Variants in MAP6D1 observed in about 807,000 individuals in gnomAD.
MAP6D1 encodes the protein MAP6 domain containing 1.
A neutral mutation model predicts 17.4 loss-of-function variants in MAP6D1; 13 were observed. The ratio of observed to expected loss-of-function variants is 0.75; its 90% CI spans 0.49 to 1.19. The LOEUF (loss-of-function observed/expected upper bound fraction) is 1.19, where lower values mean the gene tolerates loss of function less well. MAP6D1 is among the 50% of genes most tolerant of loss of function. The pLI, the probability that MAP6D1 is intolerant of heterozygous loss-of-function variation, is 0.00. For synonymous variants in MAP6D1, 141 were observed against 145.7 expected, an observed-to-expected ratio of 0.97 and a Z score of 0.23; for missense variants, 313 against 312.6, an observed-to-expected ratio of 1.00 and a Z score of -0.01.
intron 1 of MAP6D1, among the ~76,000 whole-genome samples, chr3:183,820,925 T>A (rs1727237892): frequency 7.7e-6 from 1 of 130,342 alleles, no homozygotes; most frequent in African/African-American, 3.0e-5. Context: ...AAATAAATAA[T>A]ACAAAATAAA....
At chr3:183,817,587 G>A in intron 2 of MAP6D1, 151 bp from the exon 3 acceptor site, 1 of 685,246 alleles carries the variant, frequency 1.5e-6, no homozygotes, top group African/African-American at 1.8e-5. Context: ...TGCCCACCGT[G>A]AGCCATAGGC....
At chr3:183,820,113 G>A (rs1560355421) in intron 1 of MAP6D1, 2 of 152,346 alleles carry the variant, frequency 1.3e-5, no homozygotes, top group African/African-American at 2.4e-5. Flanking sequence ...CAGACCAGAA[G>A]CCAGCAAGGC....
rs1405712511 is a variant in MAP6D1, at chr3:183,825,140, C to A, written c.401+7G>T. The A allele has an allele frequency of 2.1e-6, 3 of 1,442,782 alleles. No individual in the cohort carries two copies. The highest frequency in any genetic ancestry group is 2.8e-5 in the Admixed American group (1 of 35,500). The allele number at this position is 1,442,782 out of a possible 1,614,324, so 89.4% of individuals were successfully genotyped here. A position where few individuals can be genotyped will look rare whatever the true frequency, so the allele number is the denominator to read the frequency against. ...GGGACTCGTTGCGGTCCCTACCCAGCCCATACCTGTACGACGTGGTCACTG... is the reference window on the plus strand; with the variant it reads ...GGGACTCGTTGCGGTCCCTACCCAGACCATACCTGTACGACGTGGTCACTG... On this transcript the variant is annotated splice_region_variant and intron_variant, in intron 1 of 2. Coordinates refer to ENST00000318631, the MANE Select transcript of MAP6D1 (RefSeq NM_024871.4).
chr3:183,820,769 T>C (rs183647166), intron 1 of MAP6D1, among the ~76,000 whole-genome samples: 36 of 150,068 alleles, frequency 2.4e-4, no homozygotes, highest in African/African-American at 3.9e-4. Context: ...TAGCCAGGCA[T>C]GGTGGCGGGC....
intron 1 of MAP6D1, among the ~76,000 whole-genome samples, chr3:183,821,541 C>CTTTTTTTTT (rs59131602): frequency 1.0e-5 from 1 of 98,124 alleles, no homozygotes; most frequent in African/African-American, 4.0e-5. Flanking sequence ...TGAGGGATTG[C>CTTTTTTTTT]TTTTTTTTTT....
chr3:183,817,406 T>C lies in MAP6D1; in HGVS notation c.550A>G (p.Asn184Asp). Residue 184 changes from asparagine (N) to aspartate (D), a missense_variant, in exon 3 of 3, where the codon AAC becomes GAC. Asn to Asp is a conservative substitution (Grantham distance 23). Transcript: ENST00000318631. ...VPEVRKKFTP[N>D]PSAIFQASAP... ...GAGGCCTGAAAGATGGCGGAGGGGT[T>C]AGGAGTGAACTTCTTCCTCACCTCT... The C allele has an allele frequency of 6.4e-7, 1 of 1,569,810 alleles. No individual in the cohort carries two copies.
chr3:183,818,538 C>T (rs149717184), intron 1 of MAP6D1, among the ~76,000 whole-genome samples: 182 of 152,312 alleles, frequency 1.2e-3, no homozygotes, highest in Admixed American at 3.8e-3. Flanking sequence ...CTGCGATTCT[C>T]CCACACCTGC....
intron 1 of MAP6D1, among the ~76,000 whole-genome samples, chr3:183,822,280 CACACACACACACAAA>C (rs1727278648): frequency 1.3e-5 from 1 of 75,512 alleles, no homozygotes; most frequent in East Asian, 5.4e-4. Context: ...CACACACACA[CACACACACACACAAA>C]ACCCCACATG....
intron 1 of MAP6D1, among the ~76,000 whole-genome samples, chr3:183,819,288 C>T (rs757702463): frequency 6.6e-6 from 1 of 152,272 alleles, no homozygotes. Context: ...AATTTTCACT[C>T]CCGAAGCCGC....
At chr3:183,821,522 CCA>C in intron 1 of MAP6D1, among the ~76,000 whole-genome samples, 1 of 151,140 alleles carries the variant, frequency 6.6e-6, no homozygotes, top group East Asian at 2.0e-4. Context: ...ACCACATGTT[CCA>C]CACAGATGAG....
intron 1 of MAP6D1, among the ~76,000 whole-genome samples, chr3:183,824,744 G>T (rs1032397480): frequency 6.6e-6 from 1 of 152,218 alleles, no homozygotes; most frequent in African/African-American, 2.4e-5. Flanking sequence ...ACCAACGCCC[G>T]CACACTAGGC....
chr3:183,825,535 A>C lies in MAP6D1; in HGVS notation c.13T>G (p.Cys5Gly). Reference protein sequence around the residue: MAWPCISRLCCLARR... With the variant: MAWPGISRLCCLARR... ...GCCAGGCAGCACAGGCGGCTGATACAGGGCCACGCCATGCCAGCCCCGGCG... is the reference window on the plus strand; with the variant it reads ...GCCAGGCAGCACAGGCGGCTGATACCGGGCCACGCCATGCCAGCCCCGGCG... Residue 5 changes from cysteine to glycine, a missense_variant, in exon 1 of 3, where the codon TGT (cysteine) becomes GGT (glycine). Coordinates refer to ENST00000318631, the MANE Select transcript of MAP6D1 (RefSeq NM_024871.4). 1 of 1,308,496 alleles carries C rather than the reference A, an allele frequency of 7.6e-7. No homozygotes were observed. The highest frequency in any genetic ancestry group is 9.7e-7 in the Non-Finnish European group (1 of 1,030,802). 81.1% of individuals were successfully genotyped at this position (1,308,496 alleles called of 1,614,324 possible).
intron 1 of MAP6D1, 75 bp from the exon 2 acceptor site, chr3:183,818,186 C>G: frequency 8.1e-7 from 1 of 1,232,682 alleles, no homozygotes; most frequent in Admixed American, 1.7e-5. Context: ...GGCTGCTGCT[C>G]TGCCCCATGC....
chr3:183,820,660 G>A (rs560435641), intron 1 of MAP6D1, among the ~76,000 whole-genome samples: 75 of 152,204 alleles, frequency 4.9e-4, no homozygotes, highest in African/African-American at 1.7e-3. Context: ...AGCACTTCAG[G>A]AGGCTGGGGC....
chr3:183,822,693 G>A (rs574061372), intron 1 of MAP6D1, among the ~76,000 whole-genome samples: 101 of 152,276 alleles, frequency 6.6e-4, no homozygotes, highest in East Asian at 6.2e-3. Flanking sequence ...TCACTGACAC[G>A]TCCTCAAGCT....
rs951808691 is a variant in MAP6D1 at position 183,815,990 on chromosome 3, A to G, written c.*1366T>C. 18 of 152,238 alleles carry G rather than the reference A, an allele frequency of 1.2e-4. No individual in the cohort carries two copies. Among genetic ancestry groups the G allele is most frequent in the African/African-American group, 4.3e-4 (18 of 41,450 alleles). The allele number at this position is 152,238 out of a possible 1,614,324, so 9.4% of individuals were successfully genotyped here. A position where few individuals can be genotyped will look rare whatever the true frequency, so the allele number is the denominator to read the frequency against. On this transcript the variant is annotated 3_prime_UTR_variant, in exon 3 of 3. Transcript: ENST00000318631. ...TCATTTCCACAGACACCCAGCAGGC[A>G]GCCTCTTTTCTCTTAGAAAAATCAA...
At chr3:183,818,341 T>A (rs948151285) in intron 1 of MAP6D1, among the ~76,000 whole-genome samples, 1 of 152,142 alleles carries the variant, frequency 6.6e-6, no homozygotes, top group East Asian at 1.9e-4. Flanking sequence ...ACCTCAGCGA[T>A]CCACTGGGAA....
intron 1 of MAP6D1, among the ~76,000 whole-genome samples, chr3:183,823,681 C>T (rs1294460173): frequency 6.6e-6 from 1 of 151,956 alleles, no homozygotes; most frequent in Non-Finnish European, 1.5e-5. Flanking sequence ...CCCAGCTACT[C>T]GGGAGGCTGA....
intron 2 of MAP6D1, 50 bp downstream of exon 2, chr3:183,817,944 G>A (rs774054114): frequency 7.1e-7 from 1 of 1,417,118 alleles, no homozygotes; most frequent in African/African-American, 1.4e-5. Flanking sequence ...CCCTACCCGG[G>A]GAAAGAGGCC....
Sources: gnomAD v4.1 joint callset for allele counts (sites outside exome capture counted in the v4.1 genomes callset) on GRCh38, gnomAD v4.1.1 for gene constraint, MANE v1.5 for transcripts, NCBI Gene and HGNC (gene_info 2026-07-23, HGNC 2026-07-21) for gene names.